KIF26B: variants seen among roughly 807,000 people sequenced by gnomAD.
KIF26B encodes the protein kinesin family member 26B.
KIF26B carries 63 observed loss-of-function variants against 151.2 expected under a neutral mutation model. That is an observed-to-expected ratio of 0.42 (90% CI 0.34 to 0.51). The LOEUF is 0.51. Among genes scored for constraint, KIF26B ranks in the 20% least tolerant of loss-of-function variants. The probability of loss-of-function intolerance (pLI) is 0.07; values close to 1 mark genes in which losing one functional copy is unlikely to be tolerated. For synonymous variants in KIF26B, 1,357 were observed against 1,262.1 expected (o/e 1.08, Z -1.59); for missense variants, 2,813 against 2,913.6 (o/e 0.97, Z 0.79).
intron 2 of KIF26B, among the ~76,000 whole-genome samples, chr1:245,297,712 C>T (rs994333293): frequency 1.2e-4 from 19 of 152,114 alleles, no homozygotes; most frequent in Non-Finnish European, 2.6e-4. Flanking sequence ...TATGGGTTTA[C>T]TCTGTACTGT....
chr1:245,243,638 A>G (rs1670253649), intron 2 of KIF26B, among the ~76,000 whole-genome samples: 1 of 152,074 alleles, frequency 6.6e-6, no homozygotes, highest in South Asian at 2.1e-4. Flanking sequence ...TGTATTGCTT[A>G]TGCTTTTTGA....
Position 245,702,557 on chromosome 1 carries a change from C to T in KIF26B, c.6278C>T (p.Ala2093Val). The T allele has an allele frequency of 6.2e-7, 1 of 1,613,948 alleles. No homozygotes were observed. Among genetic ancestry groups the T allele is most frequent in the Non-Finnish European group, 8.5e-7 (1 of 1,179,882 alleles). ...RLESRVNFCK[A>V]HLMMITCFDI... ...GAGAGCCGTGTCAACTTCTGCAAGG[C>T]CCATCTCATGATGATCACCTGCTTC... is the stretch of plus-strand genomic sequence containing the variant. Residue 2093 changes from alanine (A) to valine (V), a missense_variant, in exon 15 of 15, where the codon GCC becomes GTC. By Grantham distance (64) the Ala-to-Val change is moderately conservative. Transcript: ENST00000407071. The surrounding 1 kb of genome is among the most constrained non-coding windows in gnomAD (Gnocchi z 4.1).
intron 9 of KIF26B, among the ~76,000 whole-genome samples, chr1:245,635,508 T>G (rs938506744): frequency 1.3e-5 from 2 of 152,194 alleles, no homozygotes; most frequent in African/African-American, 4.8e-5. Context: ...GTCTTTCTTT[T>G]TCCCAGATCA....
intron 10 of KIF26B, among the ~76,000 whole-genome samples, chr1:245,677,496 C>T (rs1311715087): frequency 6.6e-6 from 1 of 152,256 alleles, no homozygotes; most frequent in African/African-American, 2.4e-5. Flanking sequence ...AATTGAGCAG[C>T]AAGTACTTTA....
rs868390806 is a variant in KIF26B at position 245,702,531 on chromosome 1, G to A, written c.6252G>A (p.Leu2084=). 53 of 1,613,946 alleles carry A rather than the reference G, an allele frequency of 3.3e-5. No individual in the cohort carries two copies. The Middle Eastern group carries it at 3.3e-3, about 100-fold the overall frequency. The change falls in exon 15 of 15, where the codon CTG becomes CTA. Residue 2084 remains leucine, a synonymous_variant. Transcript: ENST00000407071. This position sits in a 1 kb window ranked among gnomAD's most constrained non-coding sequence, Gnocchi z 4.1. ...CACTGGAGTGTGTGACGGAGCGCCT[G>A]GAGAGCCGTGTCAACTTCTGCAAGG... is the stretch of plus-strand genomic sequence containing the variant. The part of the protein sequence containing the change: ...LEALECVTER[L]ESRVNFCKAH...
At chr1:245,378,145 C>A (rs1176422758) in intron 3 of KIF26B, among the ~76,000 whole-genome samples, 1 of 152,124 alleles carries the variant, frequency 6.6e-6, no homozygotes, top group Non-Finnish European at 1.5e-5. Context: ...AGCCTTGTTC[C>A]TTCTCTACCG....
At position 245,706,481 on chromosome 1, in the gene KIF26B, T is replaced by C. The variant is rs542608354; in HGVS notation, c.*3875T>C. ...TTTAGGTTTCTTATTCCAAAAAGGATTTTAGACTGTAAAATGACTAAAGAT... is the reference window on the plus strand; with the variant it reads ...TTTAGGTTTCTTATTCCAAAAAGGACTTTAGACTGTAAAATGACTAAAGAT... On this transcript the variant is annotated 3_prime_UTR_variant, in exon 15 of 15. Transcript: ENST00000407071. 2 of 152,316 alleles carry C rather than the reference T, an allele frequency of 1.3e-5. No individual in the cohort carries two copies. Among genetic ancestry groups the C allele is most frequent in the South Asian group, 4.1e-4 (2 of 4,826 alleles). The allele number at this position is 152,316 out of a possible 1,614,324, so 9.4% of individuals were successfully genotyped here. A position where few individuals can be genotyped will look rare whatever the true frequency, so the allele number is the denominator to read the frequency against.
Position 245,698,276 on chromosome 1 carries a change from C to T in KIF26B, c.5995C>T (p.Arg1999Cys), listed in dbSNP as rs376149709. 173 of 1,613,560 alleles carry T rather than the reference C, an allele frequency of 1.1e-4. No individual in the cohort carries two copies. The highest frequency in any genetic ancestry group is 1.4e-4 in the Non-Finnish European group (162 of 1,179,796). ...IKVYEIDDVE[R>C]LQRRRGGASK... ...AGTCTATGAAATCGATGACGTGGAG[C>T]GCCTGCAGCGGCGACGAGGGGGTGC... is the stretch of plus-strand genomic sequence containing the variant. Residue 1999 changes from arginine to cysteine, a missense_variant, in exon 13 of 15, where the codon CGC (arginine) becomes TGC (cysteine). Arg to Cys is a radical substitution (Grantham distance 180, BLOSUM62 -3). This residue lies in a region of KIF26B where 2,060 missense variants were observed against 2,088.6 expected (regional missense o/e 0.99). Coordinates refer to ENST00000407071, the MANE Select transcript of KIF26B (RefSeq NM_018012.4). This position sits in a 1 kb window ranked among gnomAD's most constrained non-coding sequence, Gnocchi z 4.0.
intron 12 of KIF26B, among the ~76,000 whole-genome samples, chr1:245,691,622 T>TCC (rs2044627837): frequency 6.6e-6 from 1 of 152,210 alleles, no homozygotes; most frequent in Non-Finnish European, 1.5e-5. Flanking sequence ...AGGAAATTCC[T>TCC]AACTAGATGG....
Position 245,667,055 on chromosome 1 carries a change from G to A in KIF26B, c.2259-17178G>A, listed in dbSNP as rs1013427006. On this transcript the variant is annotated intron_variant, in intron 10 of 14. Coordinates refer to ENST00000407071, the MANE Select transcript of KIF26B (RefSeq NM_018012.4). This position sits in a 1 kb window ranked among gnomAD's most constrained non-coding sequence, Gnocchi z 4.3. ...TTGAAGACTGTGAGCTGTGCAGAAC[G>A]AAGCAGGTCATGGCTTGTCCTCTAG... 5.9e-5 allele frequency among the ~76,000 whole-genome samples: 9 copies of A among 152,172 alleles called. No homozygotes were observed. Among genetic ancestry groups the A allele is most frequent in the African/African-American group, 2.2e-4 (9 of 41,436 alleles).
intron 6 of KIF26B, among the ~76,000 whole-genome samples, chr1:245,603,135 T>C (rs1572151917): frequency 1.5e-5 from 2 of 135,586 alleles, no homozygotes; most frequent in Admixed American, 7.2e-5. Context: ...GCCTGGGCAT[T>C]GTACGAAGGG....
chr1:245,332,927 T>C (rs1672143110), intron 2 of KIF26B, among the ~76,000 whole-genome samples: 1 of 152,120 alleles, frequency 6.6e-6, no homozygotes, highest in South Asian at 2.1e-4. Flanking sequence ...GTATTTTCAA[T>C]GGGTCTCTCC....
chr1:245,392,137 T>C (rs1673716614), intron 3 of KIF26B, among the ~76,000 whole-genome samples: 2 of 151,766 alleles, frequency 1.3e-5, no homozygotes, highest in Admixed American at 1.3e-4. Flanking sequence ...TTTAAGATTA[T>C]GAAGAGCTCC....
intron 4 of KIF26B, among the ~76,000 whole-genome samples, chr1:245,438,208 A>T (rs959653900): frequency 3.9e-5 from 6 of 152,180 alleles, no homozygotes; most frequent in African/African-American, 1.4e-4. Flanking sequence ...AGCTCCCAAA[A>T]GCGAGGAAAT....
chr1:245,479,458 G>A (rs2027302), intron 4 of KIF26B, among the ~76,000 whole-genome samples: 151,501 of 151,892 alleles, frequency 1, 75,559 homozygotes, highest in Middle Eastern at 1. Flanking sequence ...GCTCTTTTCT[G>A]ATTATGCTTT....
At chr1:245,317,812 C>T (rs1490815067) in intron 2 of KIF26B, among the ~76,000 whole-genome samples, 1 of 152,200 alleles carries the variant, frequency 6.6e-6, no homozygotes, top group African/African-American at 2.4e-5. Context: ...CCATGGATGG[C>T]AGGTTGACTT....
intron 10 of KIF26B, among the ~76,000 whole-genome samples, chr1:245,655,947 C>T (rs950064285): frequency 2.0e-5 from 3 of 152,180 alleles, no homozygotes; most frequent in African/African-American, 4.8e-5. Context: ...TTCTGATCAG[C>T]AAGGTAGATT....
intron 2 of KIF26B, among the ~76,000 whole-genome samples, chr1:245,222,261 A>T (rs1392741382): frequency 6.6e-6 from 1 of 151,924 alleles, no homozygotes; most frequent in Non-Finnish European, 1.5e-5. Context: ...ACATGGTAAA[A>T]CCCCGTCTCT....
At chr1:245,640,132 T>G (rs1434636354) in intron 9 of KIF26B, among the ~76,000 whole-genome samples, 2 of 65,290 alleles carry the variant, frequency 3.1e-5, no homozygotes, top group Non-Finnish European at 3.1e-5. Context: ...GCTCTCTCTC[T>G]CTCTCTCTCT....
Sources: gnomAD v4.1 joint callset for allele counts (sites outside exome capture counted in the v4.1 genomes callset) on GRCh38, gnomAD v4.1.1 for gene constraint, gnomAD v4.1.1 regional missense constraint, Gnocchi (gnomAD v3.1) non-coding constraint, MANE v1.5 for transcripts, NCBI Gene and HGNC (gene_info 2026-07-23, HGNC 2026-07-21) for gene names.